The following DPP10 variants were observed in gnomAD, a reference collection of about 807,000 sequenced individuals.
DPP10 encodes the protein dipeptidyl peptidase like 10, also known as inactive dipeptidyl peptidase 10.
In DPP10, 33 loss-of-function variants were observed where a neutral mutation model predicts 120.9. The observed-to-expected ratio is 0.27, with a 90% CI of 0.21 to 0.37. The LOEUF is 0.37. Ranked by LOEUF, DPP10 falls within the 10% of genes least tolerant of loss-of-function variation. The pLI, the probability that DPP10 is intolerant of heterozygous loss-of-function variation, is 1.00. For missense variants in DPP10, 816 were observed against 942.8 expected (o/e 0.87, Z 1.76); for synonymous variants, 337 against 326.1 (o/e 1.03, Z -0.36).
At chr2:114,982,123 T>C (rs996286808) in intron 1 of DPP10, among the ~76,000 whole-genome samples, 4 of 152,118 alleles carry the variant, frequency 2.6e-5, no homozygotes, top group African/African-American at 9.7e-5. Flanking sequence ...CTCGAACTCC[T>C]GACCTCAAGT....
chr2:115,014,574 T>C (rs1702498388), intron 1 of DPP10, among the ~76,000 whole-genome samples: 1 of 150,932 alleles, frequency 6.6e-6, no homozygotes. Flanking sequence ...TTATAAAAGA[T>C]CAACAAAATA....
chr2:115,336,953 G>C (rs2063176759), intron 2 of DPP10, among the ~76,000 whole-genome samples: 1 of 151,924 alleles, frequency 6.6e-6, no homozygotes, highest in Admixed American at 6.6e-5. Flanking sequence ...CAAATAGTAA[G>C]ATTTCTCTAG....
chr2:114,898,821 G>A (rs1693288807), intron 1 of DPP10, among the ~76,000 whole-genome samples: 2 of 152,250 alleles, frequency 1.3e-5, no homozygotes, highest in Non-Finnish European at 2.9e-5. Context: ...GAAAAGAACA[G>A]GGTTTTATTT....
intron 5 of DPP10, among the ~76,000 whole-genome samples, chr2:115,686,227 T>G (rs1434671893): frequency 2.0e-5 from 3 of 152,042 alleles, no homozygotes; most frequent in Non-Finnish European, 4.4e-5. Context: ...AGCATAGTGA[T>G]GAAGAGTTGT....
At chr2:114,816,333 C>T (rs1035710609) in intron 1 of DPP10, among the ~76,000 whole-genome samples, 8 of 152,196 alleles carry the variant, frequency 5.3e-5, no homozygotes, top group African/African-American at 1.9e-4. Flanking sequence ...AGAAGAAAAG[C>T]AGCCATAGGC....
chr2:114,836,823 C>A (rs765638126), intron 1 of DPP10, among the ~76,000 whole-genome samples: 1 of 152,150 alleles, frequency 6.6e-6, no homozygotes, highest in Non-Finnish European at 1.5e-5. Flanking sequence ...TAGAGACCCA[C>A]CTCAGTGATG....
intron 1 of DPP10, among the ~76,000 whole-genome samples, chr2:114,817,848 C>A (rs974802218): frequency 1.3e-5 from 2 of 152,072 alleles, no homozygotes; most frequent in Non-Finnish European, 2.9e-5. Flanking sequence ...GTGAATGCAG[C>A]AGAAAATAAG....
intron 1 of DPP10, among the ~76,000 whole-genome samples, chr2:115,235,962 A>T (rs1413564882): frequency 6.6e-6 from 1 of 152,130 alleles, no homozygotes. Flanking sequence ...AAACACTTAA[A>T]TTACTCCCTA....
chr2:114,796,056 C>T (rs1436699939), intron 1 of DPP10, among the ~76,000 whole-genome samples: 1 of 152,174 alleles, frequency 6.6e-6, no homozygotes, highest in Non-Finnish European at 1.5e-5. Flanking sequence ...ACTTAAAACT[C>T]TGTGTGATGC....
chr2:115,649,196 A>G (rs1009555815), intron 5 of DPP10, among the ~76,000 whole-genome samples: 2 of 152,142 alleles, frequency 1.3e-5, no homozygotes, highest in African/African-American at 2.4e-5. Flanking sequence ...ACTAATGCTT[A>G]TAAATGGCTC....
At chr2:114,450,197 CA>C (rs1257699270) in intron 1 of DPP10, among the ~76,000 whole-genome samples, 9 of 152,112 alleles carry the variant, frequency 5.9e-5, no homozygotes, top group South Asian at 2.1e-4. Flanking sequence ...CCCCATCCCC[CA>C]AACCCCAAAA....
intron 1 of DPP10, among the ~76,000 whole-genome samples, chr2:114,805,915 C>A (rs548210091): frequency 6.6e-6 from 1 of 152,278 alleles, no homozygotes; most frequent in Non-Finnish European, 1.5e-5. Flanking sequence ...CTATCATGTA[C>A]CCTCATGGAG....
At chr2:115,349,606 A>G (rs900103638) in intron 3 of DPP10, among the ~76,000 whole-genome samples, 1 of 152,116 alleles carries the variant, frequency 6.6e-6, no homozygotes, top group African/African-American at 2.4e-5. Flanking sequence ...CATTCTCATA[A>G]TATATGCAGG....
At chr2:115,416,300 A>G (rs2069425658) in intron 3 of DPP10, among the ~76,000 whole-genome samples, 1 of 152,152 alleles carries the variant, frequency 6.6e-6, no homozygotes, top group Admixed American at 6.6e-5. Flanking sequence ...GACATTGAGT[A>G]TACTTTGGGA....
intron 1 of DPP10, among the ~76,000 whole-genome samples, chr2:115,295,437 C>A (rs145321190): frequency 7.2e-5 from 11 of 152,156 alleles, no homozygotes; most frequent in African/African-American, 2.4e-4. Flanking sequence ...TGCTTAACTT[C>A]TTTTTTCCTG....
chr2:115,827,028 A>C (rs964564867), intron 21 of DPP10, among the ~76,000 whole-genome samples: 1 of 151,964 alleles, frequency 6.6e-6, no homozygotes, highest in Non-Finnish European at 1.5e-5. Flanking sequence ...ATCTTGCCAT[A>C]CACTTTCCAT....
chr2:115,357,358 C>T (rs903156559), intron 3 of DPP10, among the ~76,000 whole-genome samples: 5 of 152,222 alleles, frequency 3.3e-5, no homozygotes, highest in Non-Finnish European at 7.3e-5. Flanking sequence ...CAAGGGCCTA[C>T]AGGCCCCATA....
At chr2:115,173,126 C>T (rs1001471712) in intron 1 of DPP10, among the ~76,000 whole-genome samples, 30 of 152,230 alleles carry the variant, frequency 2.0e-4, no homozygotes, top group Admixed American at 6.5e-5. Context: ...GGTTAAATTC[C>T]GTCTCATGCT....
At chr2:115,119,381 G>A (rs2049705262) in intron 1 of DPP10, among the ~76,000 whole-genome samples, 1 of 152,152 alleles carries the variant, frequency 6.6e-6, no homozygotes, top group East Asian at 1.9e-4. Flanking sequence ...ACTGGTGTTG[G>A]CTGTGGCCAA....
Sources: allele counts gnomAD v4.1 joint callset (sites outside exome capture counted in the v4.1 genomes callset), GRCh38; gene constraint gnomAD v4.1.1; transcripts MANE v1.5; gene names NCBI Gene and HGNC (gene_info 2026-07-23, HGNC 2026-07-21).